The following TRIO variants were observed in gnomAD, a reference collection of about 807,000 sequenced individuals.
TRIO encodes triple functional domain protein.
TRIO carries 58 observed loss-of-function variants against 351.9 expected under a neutral mutation model. The observed-to-expected ratio is 0.16, with a 90% CI of 0.13 to 0.21. TRIO has a LOEUF of 0.21. TRIO is among the 10% of genes least tolerant of loss of function. The pLI is 1.00. For missense variants in TRIO, 3,201 were observed against 4,027.8 expected, an observed-to-expected ratio of 0.79 and a Z score of 5.56; for synonymous variants, 1,758 against 1,595.7, an observed-to-expected ratio of 1.10 and a Z score of -2.42.
At chr5:14,429,300 A>C in intron 34 of TRIO, among the ~76,000 whole-genome samples, 1 of 152,182 alleles carries the variant, frequency 6.6e-6, no homozygotes, top group Non-Finnish European at 1.5e-5. Context: ...TGTGTGCCAG[A>C]CAGACCCGAG....
intron 37 of TRIO, among the ~76,000 whole-genome samples, chr5:14,469,653 A>G (rs1156568480): frequency 3.3e-5 from 5 of 152,250 alleles, no homozygotes; most frequent in Non-Finnish European, 2.9e-5. Flanking sequence ...CAAATGGGCC[A>G]CATGAAGGCG....
chr5:14,263,748 TG>T (rs1441810226), intron 1 of TRIO, among the ~76,000 whole-genome samples: 1 of 152,134 alleles, frequency 6.6e-6, no homozygotes, highest in African/African-American at 2.4e-5. Context: ...CATGTATGTG[TG>T]TGTGTATGGG....
intron 1 of TRIO, among the ~76,000 whole-genome samples, chr5:14,226,793 C>A (rs1169474500): frequency 7.1e-6 from 1 of 141,262 alleles, no homozygotes; most frequent in Admixed American, 7.1e-5. Context: ...TAGAGTGTTT[C>A]CATATCTTCC....
At chr5:14,149,128 C>CG (rs1787679928) in intron 1 of TRIO, among the ~76,000 whole-genome samples, 1 of 152,132 alleles carries the variant, frequency 6.6e-6, no homozygotes, top group Admixed American at 6.5e-5. Flanking sequence ...CAGAGGCTTG[C>CG]GGGGCCCTGC....
rs556735970 is a variant in TRIO, at chr5:14,436,392, G to A, written c.5203+16371G>A. ...TCCCACCAGGTCCCTCCCACAACAC[G>A]TGGGAATTCAAGATGAGATTTGGGT... On this transcript the variant is annotated intron_variant, in intron 34 of 56. Coordinates refer to ENST00000344204, the MANE Select transcript of TRIO (RefSeq NM_007118.4). Among the ~76,000 whole-genome samples the A allele has an allele frequency of 1.4e-4, 21 of 152,208 alleles. No individual in the cohort carries two copies. In the East Asian group the frequency reaches 1.5e-3, roughly 11 times the overall value.
At chr5:14,492,337 T>C in intron 48 of TRIO, 1 of 581,888 alleles carries the variant, frequency 1.7e-6, no homozygotes, top group Non-Finnish European at 3.0e-6. Context: ...AGTGAATTTT[T>C]TAAGAGCGTC....
chr5:14,495,593 G>C (rs1028512365), intron 49 of TRIO, among the ~76,000 whole-genome samples: 1 of 148,796 alleles, frequency 6.7e-6, no homozygotes. Flanking sequence ...AGGCTGAGGC[G>C]GGTGGATCAT....
intron 7 of TRIO, among the ~76,000 whole-genome samples, chr5:14,297,730 C>CA: frequency 6.6e-6 from 1 of 152,160 alleles, no homozygotes. Flanking sequence ...AGTTTTCTCA[C>CA]AAACTGCGAA....
chr5:14,361,477 T>C (rs145554069), intron 13 of TRIO, among the ~76,000 whole-genome samples: 3 of 152,310 alleles, frequency 2.0e-5, no homozygotes, highest in African/African-American at 7.2e-5. Flanking sequence ...CCTGAGAACC[T>C]CTGTTCTCTT....
chr5:14,414,161 C>T (rs77119015), intron 33 of TRIO, among the ~76,000 whole-genome samples: 2 of 152,204 alleles, frequency 1.3e-5, no homozygotes, highest in South Asian at 2.1e-4. Context: ...TTTGCCTCTT[C>T]CCCGCCCTCG....
intron 34 of TRIO, among the ~76,000 whole-genome samples, chr5:14,446,012 C>G (rs531051749): frequency 6.6e-6 from 1 of 152,218 alleles, no homozygotes; most frequent in East Asian, 1.9e-4. Context: ...CATCACACCA[C>G]GGGCACTGAT....
intron 1 of TRIO, among the ~76,000 whole-genome samples, chr5:14,249,633 C>G (rs922547937): frequency 6.6e-6 from 1 of 152,156 alleles, no homozygotes; most frequent in Non-Finnish European, 1.5e-5. Flanking sequence ...TGTTTACTTG[C>G]AGGACACATT....
chr5:14,304,854 A>C (rs538196032), intron 8 of TRIO, among the ~76,000 whole-genome samples: 3 of 152,158 alleles, frequency 2.0e-5, no homozygotes, highest in Non-Finnish European at 4.4e-5. Flanking sequence ...AGGAAAACCT[A>C]GTCTTTTTTT....
At chr5:14,428,087 A>G (rs1054183319) in intron 34 of TRIO, among the ~76,000 whole-genome samples, 17 of 152,218 alleles carry the variant, frequency 1.1e-4, no homozygotes, top group Admixed American at 9.2e-4. Flanking sequence ...TTCCCGGATC[A>G]TGAAAGGATC....
rs555859087 is a variant in TRIO at position 14,450,418 on chromosome 5, G to A, written c.5204-10601G>A. On this transcript the variant is annotated intron_variant, in intron 34 of 56. Coordinates refer to ENST00000344204, the MANE Select transcript of TRIO (RefSeq NM_007118.4). Reference sequence around the variant, plus strand: ...AAGCTCCCCACTGAATTTGTGGGAGGGGCTGCGCAGGGAACGGTGGAAGTG... The same window carrying A: ...AAGCTCCCCACTGAATTTGTGGGAGAGGCTGCGCAGGGAACGGTGGAAGTG... Among the ~76,000 whole-genome samples the A allele has an allele frequency of 3.3e-5, 5 of 152,288 alleles. 1 individual carries two copies. Among genetic ancestry groups the A allele is most frequent in the African/African-American group, 1.2e-4 (5 of 41,566 alleles).
intron 1 of TRIO, among the ~76,000 whole-genome samples, chr5:14,152,650 G>T (rs889466615): frequency 1.3e-5 from 2 of 152,204 alleles, no homozygotes; most frequent in African/African-American, 4.8e-5. Flanking sequence ...GATTACAGGC[G>T]TGAGCCACTG....
At chr5:14,276,869 A>G (rs1208483693) in intron 2 of TRIO, among the ~76,000 whole-genome samples, 3 of 152,188 alleles carry the variant, frequency 2.0e-5, no homozygotes, top group Non-Finnish European at 4.4e-5. Context: ...TGGAGTTTTA[A>G]GAAGAGGGAA....
intron 34 of TRIO, among the ~76,000 whole-genome samples, chr5:14,458,059 CTCCA>C (rs1279614669): frequency 6.9e-6 from 1 of 144,268 alleles, no homozygotes; most frequent in Non-Finnish European, 1.5e-5. Context: ...TTTTTTTTTC[CTCCA>C]TCAGTTTATC....
chr5:14,293,088 C>T lies in TRIO; in HGVS notation c.1130C>T (p.Ala377Val). The T allele has an allele frequency of 6.2e-7, 1 of 1,614,178 alleles. No individual in the cohort carries two copies. Among genetic ancestry groups the T allele is most frequent in the Non-Finnish European group, 8.5e-7 (1 of 1,180,016 alleles). ...GAGATTGGGACCAGCCACCCTCATGCCATGGAGCTTCAGACGCAGCACAAT... is the reference window on the plus strand; with the variant it reads ...GAGATTGGGACCAGCCACCCTCATGTCATGGAGCTTCAGACGCAGCACAAT... ...YTEIGTSHPH[A>V]MELQTQHNHF... Residue 377 changes from alanine to valine, a missense_variant, in exon 6 of 57, where the codon GCC becomes GTC. Physicochemically the swap from Ala to Val is moderately conservative, Grantham distance 64 (BLOSUM62 0). Around this residue, in one of 19 missense-constraint regions of TRIO, gnomAD observed 349 missense variants for 449.3 expected, o/e 0.78. Transcript: ENST00000344204.
Sources: gnomAD v4.1 joint callset for allele counts (sites outside exome capture counted in the v4.1 genomes callset) on GRCh38, gnomAD v4.1.1 for gene constraint, gnomAD v4.1.1 regional missense constraint, MANE v1.5 for transcripts, NCBI Gene and HGNC (gene_info 2026-07-23, HGNC 2026-07-21) for gene names.